The following KIF4A variants were observed in gnomAD, a reference collection of about 807,000 sequenced individuals.
KIF4A encodes kinesin family member 4A.
KIF4A carries 7 observed loss-of-function variants against 105.9 expected under a neutral mutation model. That is an observed-to-expected ratio of 0.07 (90% CI 0.04 to 0.12). The LOEUF (loss-of-function observed/expected upper bound fraction) is 0.12, where lower values mean the gene tolerates loss of function less well. KIF4A is among the 10% of genes least tolerant of loss of function. KIF4A has a pLI of 1.00. For missense variants in KIF4A, 558 were observed against 929.2 expected (o/e 0.60, Z 5.19); for synonymous variants, 281 against 331.3 (o/e 0.85, Z 1.65).
intron 7 of KIF4A, among the ~76,000 whole-genome samples, chrX:70,316,084 G>T (rs1468897596): frequency 3.6e-5 from 4 of 111,738 alleles, no homozygotes; most frequent in Non-Finnish European, 1.9e-5. Flanking sequence ...AATGAATCAG[G>T]TTTGGGAATA....
intron 7 of KIF4A, among the ~76,000 whole-genome samples, chrX:70,323,168 A>G (rs1602748609): frequency 9.0e-6 from 1 of 110,866 alleles, no homozygotes; most frequent in African/African-American, 3.3e-5. Context: ...CATGTGGCTC[A>G]TTCAAATTTG....
intron 15 of KIF4A, among the ~76,000 whole-genome samples, chrX:70,371,811 G>T (rs1201373800): frequency 1.9e-5 from 2 of 105,506 alleles, no homozygotes; most frequent in African/African-American, 6.9e-5. Context: ...CTCAGATGGG[G>T]CGGCTGCCGG....
chrX:70,362,375 C>T (rs924859013), intron 15 of KIF4A: 31 of 252,378 alleles, frequency 1.2e-4, no homozygotes, highest in Non-Finnish European at 2.0e-4. Flanking sequence ...ATATCACCAT[C>T]TTGGGAGGAC....
At chrX:70,362,923 C>T (rs917447395) in intron 15 of KIF4A, among the ~76,000 whole-genome samples, 5 of 109,738 alleles carry the variant, frequency 4.6e-5, no homozygotes, top group Non-Finnish European at 9.5e-5. Context: ...GTTTTTAATT[C>T]AATTATTTAT....
At chrX:70,360,361 A>T (rs1379392512) in intron 15 of KIF4A, among the ~76,000 whole-genome samples, 1 of 112,207 alleles carries the variant, frequency 8.9e-6, no homozygotes, top group Non-Finnish European at 1.9e-5. Context: ...GAAACTCTCT[A>T]GTCCTAGACA....
At chrX:70,406,399 G>T in intron 27 of KIF4A, 45 bp downstream of exon 27, 1 of 1,033,410 alleles carries the variant, frequency 9.7e-7, no homozygotes, top group Non-Finnish European at 1.3e-6. Context: ...GCTTAGGTTT[G>T]GGGTGAGTGT....
At chrX:70,357,562 G>C (rs1569240900) in intron 15 of KIF4A, among the ~76,000 whole-genome samples, 2 of 111,700 alleles carry the variant, frequency 1.8e-5, no homozygotes, top group Non-Finnish European at 3.8e-5. Context: ...CCTTTGCTTT[G>C]GTGGAGTAAA....
rs371918566 is a variant in KIF4A, at chrX:70,395,722, C to T, written c.2284C>T (p.Arg762Cys). ...TATGGTCAGTACTGAGGAAGCCAAACGCCATCTGAATGACCTCCTTGAAGA... is the reference window on the plus strand; with the variant it reads ...TATGGTCAGTACTGAGGAAGCCAAATGCCATCTGAATGACCTCCTTGAAGA... ...EVMVSTEEAK[R>C]HLNDLLEDRK... Residue 762 changes from arginine (R) to cysteine (C), a missense_variant, in exon 21 of 31, where the codon CGC (arginine) becomes TGC (cysteine). This residue lies in a region of KIF4A where 469 missense variants were observed against 680.4 expected (regional missense o/e 0.69). Coordinates refer to ENST00000374403, the MANE Select transcript of KIF4A (RefSeq NM_012310.5). The T allele has an allele frequency of 5.9e-5, 71 of 1,209,469 alleles. No homozygotes were observed. Among genetic ancestry groups the T allele is most frequent in the African/African-American group, 7.0e-5 (4 of 56,966 alleles).
At chrX:70,392,855 A>T (rs184427378) in intron 20 of KIF4A, among the ~76,000 whole-genome samples, 16,378 of 102,655 alleles carry the variant, frequency 0.16, 1,186 homozygotes, top group Non-Finnish European at 0.19. Flanking sequence ...TAATAATAAT[A>T]ATAATTATTA....
At chrX:70,377,000 A>C (rs144430089) in intron 18 of KIF4A, among the ~76,000 whole-genome samples, 194 of 111,963 alleles carry the variant, frequency 1.7e-3, no homozygotes, top group Middle Eastern at 0.014. Flanking sequence ...TATGAAGCAA[A>C]CACTGACAGA....
At position 70,405,909 on chromosome X, in the gene KIF4A, A is replaced by G. The variant is rs753577061; in HGVS notation, c.2976+4A>G. The G allele has an allele frequency of 8.3e-7, 1 of 1,198,209 alleles. No individual in the cohort carries two copies. Among genetic ancestry groups the G allele is most frequent in the East Asian group, 3.0e-5 (1 of 33,790 alleles). On this transcript the variant is annotated splice_donor_region_variant and intron_variant, in intron 26 of 30. Transcript: ENST00000374403. ...AGAGAATGAAATCATCAAGCAGGTA[A>G]TACAGTTTCCCACCCACTTGATAAG...
At chrX:70,403,807 G>A (rs1411549309) in intron 23 of KIF4A, 57 bp from the exon 24 acceptor site, 4 of 1,056,360 alleles carry the variant, frequency 3.8e-6, no homozygotes, top group Non-Finnish European at 3.8e-6. Flanking sequence ...CCTGTTGAAA[G>A]GGGGAAAGAA....
chrX:70,293,221 T>C (rs1046151571), intron 3 of KIF4A, among the ~76,000 whole-genome samples: 2 of 112,563 alleles, frequency 1.8e-5, no homozygotes, highest in African/African-American at 6.5e-5. Flanking sequence ...TCATTTAGAT[T>C]AAAACGTTGT....
intron 7 of KIF4A, among the ~76,000 whole-genome samples, chrX:70,319,262 C>CA (rs929488959): frequency 9.1e-6 from 1 of 109,649 alleles, no homozygotes; most frequent in African/African-American, 3.3e-5. Context: ...GACTCCGTCT[C>CA]AAAAAAAAGA....
rs1255022827 is a variant in KIF4A at position 70,297,110 on chromosome X, T to C, written c.348T>C (p.Pro116=). 1 of 1,209,366 alleles carries C rather than the reference T, an allele frequency of 8.3e-7. No homozygotes were observed. Among genetic ancestry groups the C allele is most frequent in the South Asian group, 1.8e-5 (1 of 56,839 alleles). ...QENEPTVGVI[P]RVIQLLFKEI... is the part of the protein sequence containing the mutation. ...ATGAACCAACAGTTGGGGTTATTCC[T>C]AGGGTAATACAACTGCTCTTCAAAG... The change falls in exon 4 of 31, where the codon CCT becomes CCC. Residue 116 remains proline (P), a synonymous_variant. Transcript: ENST00000374403.
chrX:70,347,768 G>T (rs2147701086), intron 13 of KIF4A, among the ~76,000 whole-genome samples: 1 of 103,497 alleles, frequency 9.7e-6, no homozygotes, highest in East Asian at 3.1e-4. Context: ...GAGGTCAGGA[G>T]ATCGAGACCA....
chrX:70,354,777 G>A (rs934408228), intron 15 of KIF4A, among the ~76,000 whole-genome samples: 1 of 111,919 alleles, frequency 8.9e-6, no homozygotes, highest in African/African-American at 3.3e-5. Flanking sequence ...GGATCCCCCA[G>A]GGCCCACGAC....
At chrX:70,337,830 A>T (rs2085956679) in intron 10 of KIF4A, among the ~76,000 whole-genome samples, 1 of 112,256 alleles carries the variant, frequency 8.9e-6, no homozygotes, top group Non-Finnish European at 1.9e-5. Flanking sequence ...TTAATTTTTA[A>T]ATCAAACCAC....
intron 10 of KIF4A, among the ~76,000 whole-genome samples, chrX:70,340,550 C>T (rs769617437): frequency 2.8e-5 from 3 of 108,877 alleles, no homozygotes; most frequent in South Asian, 3.7e-4. Flanking sequence ...AAAGAAATAA[C>T]GAAATAACAC....
Sources: gnomAD v4.1 joint callset for allele counts (sites outside exome capture counted in the v4.1 genomes callset) on GRCh38, gnomAD v4.1.1 for gene constraint, gnomAD v4.1.1 regional missense constraint, MANE v1.5 for transcripts, NCBI Gene and HGNC (gene_info 2026-07-23, HGNC 2026-07-21) for gene names.